PRKN: variants seen among roughly 807,000 people sequenced by gnomAD.
PRKN encodes the protein E3 ubiquitin-protein ligase parkin.
A neutral mutation model predicts 59.5 loss-of-function variants in PRKN; 56 were observed. The observed-to-expected ratio is 0.94, with a 90% CI of 0.76 to 1.18. PRKN has a LOEUF of 1.18. PRKN is among the 50% of genes most tolerant of loss of function. The pLI is 0.00. For missense variants in PRKN, 657 were observed against 596.4 expected (o/e 1.10, Z -1.06); for synonymous variants, 250 against 222.1 (o/e 1.13, Z -1.12).
chr6:162,456,976 A>G (rs1790905683), intron 1 of PRKN, among the ~76,000 whole-genome samples: 1 of 152,216 alleles, frequency 6.6e-6, no homozygotes, highest in South Asian at 2.1e-4. Context: ...CAAAATATGA[A>G]AAACATGACA....
intron 1 of PRKN, among the ~76,000 whole-genome samples, chr6:162,625,396 G>A (rs1259114360): frequency 6.6e-6 from 1 of 152,172 alleles, no homozygotes; most frequent in Non-Finnish European, 1.5e-5. Context: ...TTCACTCAGT[G>A]ACTTTAACAT....
chr6:161,581,545 A>G lies in PRKN; in HGVS notation c.872-12129T>C, dbSNP rs1018181374. On this transcript the variant is annotated intron_variant, in intron 7 of 11. Transcript: ENST00000366898. The surrounding 1 kb of genome is among the most constrained non-coding windows in gnomAD (Gnocchi z 4.5). ...GAAGGTCACGGAAGAGGATATGCTG[A>G]AGTCTGAGGTTTGAGTCACTGGACA... Among the ~76,000 whole-genome samples, 1 of 152,238 alleles carries G rather than the reference A, an allele frequency of 6.6e-6. No homozygotes were observed. Among genetic ancestry groups the G allele is most frequent in the Admixed American group, 6.5e-5 (1 of 15,282 alleles).
Position 161,353,958 on chromosome 6 carries a change from T to G in PRKN, c.1286-3747A>C, listed in dbSNP as rs945982498. Among the ~76,000 whole-genome samples the G allele has an allele frequency of 2.0e-5, 3 of 152,224 alleles. No homozygotes were observed. The highest frequency in any genetic ancestry group is 7.2e-5 in the African/African-American group (3 of 41,470). ...CGTCACAGAAGTCTTCTGTGCTGAC[T>G]GTTGTTATTGAATGAGAGAATAGAA... On this transcript the variant is annotated intron_variant, in intron 11 of 11. Transcript: ENST00000366898. The surrounding 1 kb of genome is among the most constrained non-coding windows in gnomAD (Gnocchi z 4.8).
rs1418472036 is a variant in PRKN at position 161,873,977 on chromosome 6, A to G, written c.735-88069T>C. 3.7e-5 allele frequency among the ~76,000 whole-genome samples: 2 copies of G among 53,960 alleles called. 1 individual carries two copies. The highest frequency in any genetic ancestry group is 7.6e-5 in the Non-Finnish European group (2 of 26,320). 35.4% of individuals were successfully genotyped at this position (53,960 alleles called of 152,430 possible). A position where few individuals can be genotyped will look rare whatever the true frequency, so the allele number is the denominator to read the frequency against. Reference sequence around the variant, plus strand: ...ATATTATATGTAAAATATAATATATAAAATATATATGTAAAATATAATATA... The same window carrying G: ...ATATTATATGTAAAATATAATATATGAAATATATATGTAAAATATAATATA... On this transcript the variant is annotated intron_variant, in intron 6 of 11. Transcript: ENST00000366898.
chr6:161,787,325 A>T (rs1790460491), intron 6 of PRKN, among the ~76,000 whole-genome samples: 1 of 152,214 alleles, frequency 6.6e-6, no homozygotes. Context: ...GGTCAACTTA[A>T]TCTGAGCAAG....
At chr6:162,491,356 C>A (rs7758475) in intron 1 of PRKN, among the ~76,000 whole-genome samples, 2 of 151,742 alleles carry the variant, frequency 1.3e-5, no homozygotes, top group African/African-American at 4.8e-5. Context: ...AGCATAAGAA[C>A]CATTTTGAAA....
At chr6:161,867,622 T>G (rs1159052953) in intron 6 of PRKN, among the ~76,000 whole-genome samples, 1 of 152,152 alleles carries the variant, frequency 6.6e-6, no homozygotes, top group African/African-American at 2.4e-5. Context: ...CATAAGCAGA[T>G]AAATACTTGC....
chr6:162,720,569 G>GCCTCCCGAGTAGCTGGGACTACAGGC (rs1778904858), intron 1 of PRKN, among the ~76,000 whole-genome samples: 1 of 150,076 alleles, frequency 6.7e-6, no homozygotes, highest in East Asian at 2.0e-4. Flanking sequence ...TCCTGCCTCA[G>GCCTCCCGAGTAGCTGGGACTACAGGC]CCTCCCGAGT....
At chr6:162,450,570 CAG>C (rs1790578586) in intron 1 of PRKN, among the ~76,000 whole-genome samples, 1 of 152,188 alleles carries the variant, frequency 6.6e-6, no homozygotes, top group South Asian at 2.1e-4. Context: ...ACCCTTGACA[CAG>C]TGTGATGCAA....
intron 7 of PRKN, among the ~76,000 whole-genome samples, chr6:161,608,983 T>C (rs902035718): frequency 2.6e-5 from 4 of 152,178 alleles, no homozygotes; most frequent in South Asian, 2.1e-4. Flanking sequence ...CCGTCAAACA[T>C]ACAGAATAGC....
chr6:161,618,744 A>G (rs1782784148), intron 7 of PRKN, among the ~76,000 whole-genome samples: 1 of 152,190 alleles, frequency 6.6e-6, no homozygotes, highest in South Asian at 2.1e-4. Context: ...CTTTCACAAC[A>G]TTACTTTTAT....
intron 6 of PRKN, among the ~76,000 whole-genome samples, chr6:161,937,394 A>G (rs904787905): frequency 6.6e-6 from 1 of 152,228 alleles, no homozygotes; most frequent in Non-Finnish European, 1.5e-5. Context: ...CTCCAAACTG[A>G]AAGTATTGGT....
At chr6:162,353,315 A>C (rs1784700790) in intron 2 of PRKN, among the ~76,000 whole-genome samples, 1 of 152,172 alleles carries the variant, frequency 6.6e-6, no homozygotes, top group South Asian at 2.1e-4. Flanking sequence ...TCTAATTTTT[A>C]TCTTTCTCTC....
At chr6:161,810,164 G>T (rs767664769) in intron 6 of PRKN, among the ~76,000 whole-genome samples, 1 of 152,102 alleles carries the variant, frequency 6.6e-6, no homozygotes, top group Non-Finnish European at 1.5e-5. Context: ...CAACATGACT[G>T]GAGTCCTTAC....
At chr6:162,197,424 T>C (rs1445085757) in intron 4 of PRKN, among the ~76,000 whole-genome samples, 2 of 152,230 alleles carry the variant, frequency 1.3e-5, no homozygotes, top group Non-Finnish European at 2.9e-5. Flanking sequence ...ATATAAGTTA[T>C]CTTTGATTTA....
At position 162,510,064 on chromosome 6, in the gene PRKN, T is replaced by TA. The variant is rs1777526825; in HGVS notation, c.8-66592_8-66591insT. ...TGATTTAGGTCAGCCCAGAAAGGCT[T>TA]TGCTTTCTTCAGTGAAGAGTGTCTT... is the stretch of plus-strand genomic sequence containing the variant. On this transcript the variant is annotated intron_variant, in intron 1 of 11. Coordinates refer to ENST00000366898, the MANE Select transcript of PRKN (RefSeq NM_004562.3). 2.0e-5 allele frequency among the ~76,000 whole-genome samples: 3 copies of TA among 152,180 alleles called. No homozygotes were observed. The South Asian group carries it at 6.2e-4, about 32-fold the overall frequency.
intron 8 of PRKN, 30 bp downstream of exon 8, chr6:161,569,325 T>C: frequency 6.3e-7 from 1 of 1,597,266 alleles, no homozygotes; most frequent in Non-Finnish European, 8.6e-7. Flanking sequence ...TTCATGACAG[T>C]CTGATGCAGC....
intron 7 of PRKN, among the ~76,000 whole-genome samples, chr6:161,737,053 A>C (rs1166759505): frequency 6.6e-6 from 1 of 152,176 alleles, no homozygotes; most frequent in Non-Finnish European, 1.5e-5. Flanking sequence ...CAGGCAGAAG[A>C]AAGAGATGCA....
At chr6:161,965,056 T>C (rs1780525075) in intron 6 of PRKN, among the ~76,000 whole-genome samples, 1 of 152,042 alleles carries the variant, frequency 6.6e-6, no homozygotes, top group African/African-American at 2.4e-5. Context: ...GTTCAATGAA[T>C]GAATGAAAGC....
Sources: gnomAD v4.1 joint callset for allele counts (sites outside exome capture counted in the v4.1 genomes callset) on GRCh38, gnomAD v4.1.1 for gene constraint, Gnocchi (gnomAD v3.1) non-coding constraint, MANE v1.5 for transcripts, NCBI Gene and HGNC (gene_info 2026-07-23, HGNC 2026-07-21) for gene names.